TMCO5A: variants seen among roughly 807,000 people sequenced by gnomAD.
The protein encoded by TMCO5A is transmembrane and coiled-coil domain-containing protein 5A.
TMCO5A carries 34 observed loss-of-function variants against 42.3 expected under a neutral mutation model. That is an observed-to-expected ratio of 0.80 (90% CI 0.61 to 1.07). The LOEUF (loss-of-function observed/expected upper bound fraction) is 1.07, where lower values mean the gene tolerates loss of function less well. Among genes scored for constraint, TMCO5A ranks in the 50% least tolerant of loss-of-function variants. The pLI is 0.00. For synonymous variants in TMCO5A, 131 were observed against 115.6 expected, an observed-to-expected ratio of 1.13 and a Z score of -0.86; for missense variants, 357 against 327.9, an observed-to-expected ratio of 1.09 and a Z score of -0.69.
chr15:38,034,845 TG>T, the TMCO5A span, among the ~76,000 whole-genome samples: 11 of 152,168 alleles, frequency 7.2e-5, no homozygotes, highest in Admixed American at 2.0e-4. Context: ...GGCTCTCCTC[TG>T]GGTGTGACCC....
chr15:37,962,542 G>A lies in TMCO5A; in HGVS notation c.669-4083G>A, dbSNP rs574322352. Among the ~76,000 whole-genome samples, 959 of 152,162 alleles carry A rather than the reference G, an allele frequency of 6.3e-3. 9 individuals carry two copies. Among genetic ancestry groups the A allele is most frequent in the Non-Finnish European group, 0.011 (739 of 67,952 alleles). On this transcript the variant is annotated intron_variant, in intron 11 of 11. Coordinates refer to the TMCO5A transcript ENST00000559502. ...TTCCTGGTTTTGGTATTAGGGTGATGCTGGCTTCACAGAATGAATTGGGGG... is the reference window on the plus strand; with the variant it reads ...TTCCTGGTTTTGGTATTAGGGTGATACTGGCTTCACAGAATGAATTGGGGG...
rs78400293 is a variant in TMCO5A at position 37,941,777 on chromosome 15, G to A, written c.504+47G>A. 3.4e-3 allele frequency: 4,986 copies of A among 1,479,820 alleles called. 142 individuals are homozygous for A. The African/African-American group carries it at 0.058, about 17-fold the overall frequency. 91.7% of individuals were successfully genotyped at this position (1,479,820 alleles called of 1,614,324 possible). On this transcript the variant is annotated intron_variant, in intron 8 of 11. Transcript: ENST00000319669. ...ATAGCAAAGGGTTTATTAAGGTACA[G>A]GATGAAATAGAACAAGGATTTTCAA... is the stretch of plus-strand genomic sequence containing the variant.
chr15:38,017,009 G>A, the TMCO5A span, among the ~76,000 whole-genome samples: 2 of 151,790 alleles, frequency 1.3e-5, no homozygotes, highest in Non-Finnish European at 2.9e-5. Context: ...GAGAGACAGA[G>A]AGAGAGAGGA....
the TMCO5A span, among the ~76,000 whole-genome samples, chr15:37,977,247 T>C: frequency 2.0e-5 from 3 of 152,206 alleles, no homozygotes; most frequent in Non-Finnish European, 2.9e-5. Context: ...TGAAGAACCA[T>C]TGTTGGGGAA....
chr15:37,962,234 G>A (rs10467964), intron 11 of TMCO5A, among the ~76,000 whole-genome samples: 34,128 of 151,812 alleles, frequency 0.22, 4,065 homozygotes, highest in Admixed American at 0.3. Context: ...TTTTGCTGAG[G>A]GTTTTAATCA....
the TMCO5A span, among the ~76,000 whole-genome samples, chr15:37,975,364 T>C: frequency 6.6e-6 from 1 of 152,192 alleles, no homozygotes; most frequent in African/African-American, 2.4e-5. Context: ...TACTGTTTGG[T>C]TATCTAAGTC....
the TMCO5A span, among the ~76,000 whole-genome samples, chr15:38,006,579 C>A: frequency 6.6e-6 from 1 of 152,280 alleles, no homozygotes; most frequent in South Asian, 2.1e-4. Flanking sequence ...AGCATTCAGT[C>A]CAGTCACTTC....
chr15:37,963,577 A>G (rs1193825336), intron 11 of TMCO5A, among the ~76,000 whole-genome samples: 1 of 152,188 alleles, frequency 6.6e-6, no homozygotes, highest in African/African-American at 2.4e-5. Context: ...CATTTGTTCC[A>G]AGATATAGTT....
downstream of TMCO5A, among the ~76,000 whole-genome samples, chr15:37,972,509 TTTGA>T (rs1429823579): frequency 1.3e-5 from 2 of 152,216 alleles, no homozygotes; most frequent in African/African-American, 2.4e-5. Flanking sequence ...TCCTTGTGGT[TTTGA>T]TTTACATTTC....
the TMCO5A span, among the ~76,000 whole-genome samples, chr15:37,984,008 TCAACTACA>T: frequency 6.6e-6 from 1 of 152,156 alleles, no homozygotes; most frequent in Non-Finnish European, 1.5e-5. Context: ...GCTGAGATTG[TCAACTACA>T]CTTATGTCTT....
At chr15:38,000,622 T>C in the TMCO5A span, among the ~76,000 whole-genome samples, 1 of 152,134 alleles carries the variant, frequency 6.6e-6, no homozygotes, top group African/African-American at 2.4e-5. Context: ...ATTTGAAGTT[T>C]TTCTACTTCT....
intron 9 of TMCO5A, chr15:37,942,637 C>G: frequency 5.5e-6 from 1 of 180,644 alleles, no homozygotes; most frequent in Non-Finnish European, 1.2e-5. Flanking sequence ...TCACTTCCCC[C>G]AAATATATGG....
At chr15:37,976,776 CTTTCTT>C in the TMCO5A span, among the ~76,000 whole-genome samples, 3 of 143,606 alleles carry the variant, frequency 2.1e-5, no homozygotes, top group Non-Finnish European at 4.6e-5. Flanking sequence ...TTCTTTCTTT[CTTTCTT>C]TTTCTTCTTT....
At chr15:38,018,483 G>A in the TMCO5A span, among the ~76,000 whole-genome samples, 1 of 152,080 alleles carries the variant, frequency 6.6e-6, no homozygotes, top group Non-Finnish European at 1.5e-5. Flanking sequence ...ATTTCAGTGG[G>A]AGGCAAAATA....
chr15:38,022,996 T>C, the TMCO5A span, among the ~76,000 whole-genome samples: 1 of 152,324 alleles, frequency 6.6e-6, no homozygotes, highest in African/African-American at 2.4e-5. Context: ...TCATTTTAAA[T>C]TACTGTATAA....
At chr15:37,997,931 T>A in the TMCO5A span, among the ~76,000 whole-genome samples, 1 of 152,250 alleles carries the variant, frequency 6.6e-6, no homozygotes, top group Non-Finnish European at 1.5e-5. Flanking sequence ...AATTTTGATT[T>A]GCAGTTCTCT....
the TMCO5A span, among the ~76,000 whole-genome samples, chr15:38,016,111 C>T: frequency 6.6e-6 from 1 of 152,102 alleles, no homozygotes; most frequent in Non-Finnish European, 1.5e-5. Context: ...AACAAATGCA[C>T]CCCTATGGTG....
chr15:37,938,666 G>C (rs1317902149), intron 6 of TMCO5A, among the ~76,000 whole-genome samples: 1 of 151,992 alleles, frequency 6.6e-6, no homozygotes, highest in African/African-American at 2.4e-5. Flanking sequence ...TAAAATTCTT[G>C]CTGAGGTGCA....
chr15:37,958,250 T>C (rs1890340826), intron 11 of TMCO5A, among the ~76,000 whole-genome samples: 1 of 152,150 alleles, frequency 6.6e-6, no homozygotes, highest in South Asian at 2.1e-4. Flanking sequence ...GGGATATATT[T>C]AAACTAAAGA....
Sources: allele counts gnomAD v4.1 joint callset (sites outside exome capture counted in the v4.1 genomes callset), GRCh38; gene constraint gnomAD v4.1.1; transcripts MANE v1.5; gene names NCBI Gene and HGNC (gene_info 2026-07-23, HGNC 2026-07-21).